The following C16orf96 variants were observed in gnomAD, a reference collection of about 807,000 sequenced individuals.
The protein encoded by C16orf96 is chromosome 16 open reading frame 96.
In C16orf96, 108 loss-of-function variants were observed where a neutral mutation model predicts 103.6. That is an observed-to-expected ratio of 1.04 (90% CI 0.89 to 1.22). The LOEUF is 1.22. Among genes scored for constraint, C16orf96 ranks in the 50% most tolerant of loss-of-function variants. The pLI is 0.00. For synonymous variants in C16orf96, 566 were observed against 593.5 expected (o/e 0.95, Z 0.67); for missense variants, 1,586 against 1,464.2 (o/e 1.08, Z -1.36).
chr16:4,571,511 CTT>C, intron 1 of C16orf96, 48 bp from the exon 2 acceptor site: 2 of 1,487,048 alleles, frequency 1.3e-6, no homozygotes, highest in Non-Finnish European at 1.8e-6. Context: ...CTTCACTTAC[CTT>C]CTCCCCCAGC....
intron 7 of C16orf96, among the ~76,000 whole-genome samples, chr16:4,584,793 C>T (rs1278914920): frequency 6.6e-6 from 1 of 151,968 alleles, no homozygotes; most frequent in African/African-American, 2.4e-5. Context: ...CTCGGCCTCC[C>T]AAAGTGCTGG....
chr16:4,581,555 C>A (rs1388522672), intron 7 of C16orf96, among the ~76,000 whole-genome samples: 1 of 151,954 alleles, frequency 6.6e-6, no homozygotes. Context: ...ATGGCATGAA[C>A]CTGGGAGGCA....
At chr16:4,582,529 G>A (rs1016558282) in intron 7 of C16orf96, among the ~76,000 whole-genome samples, 1 of 152,146 alleles carries the variant, frequency 6.6e-6, no homozygotes, top group Non-Finnish European at 1.5e-5. Context: ...CCAATTCACA[G>A]CCTATGAAGT....
At chr16:4,550,675 AAGGCAC>A in the C16orf96 span, among the ~76,000 whole-genome samples, 1 of 152,188 alleles carries the variant, frequency 6.6e-6, no homozygotes, top group East Asian at 1.9e-4. Context: ...TGGAGGGTTT[AAGGCAC>A]AGGCTCAGGG....
chr16:4,581,399 T>G (rs2059587339), intron 7 of C16orf96, among the ~76,000 whole-genome samples: 1 of 151,038 alleles, frequency 6.6e-6, no homozygotes, highest in Non-Finnish European at 1.5e-5. Flanking sequence ...TTTGGGAGGC[T>G]GAGGCGAGTG....
intron 1 of C16orf96, chr16:4,560,768 G>GC (rs2059321477): frequency 6.6e-6 from 1 of 151,842 alleles, no homozygotes; most frequent in Non-Finnish European, 1.5e-5. Flanking sequence ...AGCTCTGATG[G>GC]CCCCACTGCA....
chr16:4,564,479 C>G (rs2059366566), intron 1 of C16orf96, among the ~76,000 whole-genome samples: 1 of 152,178 alleles, frequency 6.6e-6, no homozygotes, highest in African/African-American at 2.4e-5. Context: ...AAAGCACCTG[C>G]TGTATATTGT....
chr16:4,544,820 A>G, the C16orf96 span, among the ~76,000 whole-genome samples: 1 of 152,032 alleles, frequency 6.6e-6, no homozygotes, highest in Non-Finnish European at 1.5e-5. Flanking sequence ...CCAAAAATGA[A>G]ATTGTCATCT....
upstream of C16orf96, among the ~76,000 whole-genome samples, chr16:4,555,753 G>C (rs1327459947): frequency 6.8e-6 from 1 of 147,430 alleles, no homozygotes; most frequent in Non-Finnish European, 1.5e-5. Flanking sequence ...GCTAAGTGCA[G>C]TGGCACAATC....
chr16:4,562,474 A>AG (rs138252018), intron 1 of C16orf96, among the ~76,000 whole-genome samples: 12 of 151,546 alleles, frequency 7.9e-5, no homozygotes, highest in African/African-American at 2.7e-4. Context: ...AAAAAAAAAA[A>AG]AGAGAAAAGC....
chr16:4,556,779 T>C lies in C16orf96; in HGVS notation c.290T>C (p.Leu97Pro), dbSNP rs1188094265. Residue 97 changes from leucine (L) to proline (P), a missense_variant, in exon 1 of 16, where the codon CTG becomes CCG. Coordinates refer to ENST00000444310, the MANE Select transcript of C16orf96 (RefSeq NM_001145011.2). Reference protein sequence around the residue: ...RLDKLENQLALLQDLPSTAQL... With the variant: ...RLDKLENQLAPLQDLPSTAQL... The stretch of plus-strand genomic sequence containing the variant: ...GACAAGTTGGAGAACCAGCTGGCCC[T>C]GCTGCAGGACCTGCCCTCCACTGCC... 1.2e-5 allele frequency: 19 copies of C among 1,551,582 alleles called. No individual in the cohort carries two copies. The Admixed American group carries it at 3.3e-4, about 27-fold the overall frequency.
At chr16:4,595,857 C>A (rs945330640) in intron 14 of C16orf96, among the ~76,000 whole-genome samples, 2 of 152,052 alleles carry the variant, frequency 1.3e-5, no homozygotes, top group Admixed American at 1.3e-4. Context: ...CAGGCACGCA[C>A]CACCACGCCC....
chr16:4,597,493 C>G (rs1596541231), intron 14 of C16orf96, among the ~76,000 whole-genome samples: 1 of 152,150 alleles, frequency 6.6e-6, no homozygotes, highest in African/African-American at 2.4e-5. Flanking sequence ...TCCCCCTTGG[C>G]TCATTCATTC....
At chr16:4,538,781 G>C in the C16orf96 span, 1 of 152,240 alleles carries the variant, frequency 6.6e-6, no homozygotes, top group Admixed American at 6.5e-5. Flanking sequence ...TCTGTCACAA[G>C]GAGGCGGGTA....
At chr16:4,561,884 T>G (rs1485090884) in intron 1 of C16orf96, among the ~76,000 whole-genome samples, 1 of 152,124 alleles carries the variant, frequency 6.6e-6, no homozygotes, top group Non-Finnish European at 1.5e-5. Flanking sequence ...CAGGCCTCGG[T>G]TTTTCTCCCC....
rs1277387366 is a variant in C16orf96, at chr16:4,576,416, G to A, written c.1936G>A (p.Glu646Lys). ...CTTGGGCGATGATTCCGAAATCTAC[G>A]AAATCCTCTCTCCCTCCTACTCTGC... is the stretch of plus-strand genomic sequence containing the variant. ...QILGDDSEIYEILSPSYSAAS... is the reference protein window; with the variant it reads ...QILGDDSEIYKILSPSYSAAS... Residue 646 changes from glutamate to lysine, a missense_variant, in exon 5 of 16, where the codon GAA (glutamate) becomes AAA (lysine). Physicochemically the swap from Glu to Lys is moderately conservative, Grantham distance 56 (BLOSUM62 1). Transcript: ENST00000444310. 5.2e-6 allele frequency: 8 copies of A among 1,551,012 alleles called. No individual in the cohort carries two copies. The highest frequency in any genetic ancestry group is 4.1e-5 in the African/African-American group (3 of 73,052).
upstream of C16orf96, among the ~76,000 whole-genome samples, chr16:4,552,743 C>G (rs571288687): frequency 6.6e-6 from 1 of 152,220 alleles, no homozygotes; most frequent in Non-Finnish European, 1.5e-5. Flanking sequence ...CAGACCCTGC[C>G]AAACAGTTTT....
At chr16:4,594,228 C>A in intron 12 of C16orf96, 123 bp from the exon 13 acceptor site, 5 of 1,181,228 alleles carry the variant, frequency 4.2e-6, no homozygotes, top group Non-Finnish European at 1.2e-6. Context: ...CTGGCTGTGC[C>A]AGCTAAACAC....
chr16:4,571,028 C>G (rs1019334317), intron 1 of C16orf96, among the ~76,000 whole-genome samples: 1 of 151,776 alleles, frequency 6.6e-6, no homozygotes, highest in Non-Finnish European at 1.5e-5. Flanking sequence ...AAAACAAAAA[C>G]AAAAAAAATT....
Sources: allele counts gnomAD v4.1 joint callset (sites outside exome capture counted in the v4.1 genomes callset), GRCh38; gene constraint gnomAD v4.1.1; transcripts MANE v1.5; gene names NCBI Gene and HGNC (gene_info 2026-07-23, HGNC 2026-07-21).